CAMK1D: variants seen among roughly 807,000 people sequenced by gnomAD.
CAMK1D encodes calcium/calmodulin-dependent protein kinase type 1D.
In CAMK1D, 9 loss-of-function variants were observed where a neutral mutation model predicts 47.7. The observed-to-expected ratio is 0.19, with a 90% CI of 0.11 to 0.33. CAMK1D has a LOEUF of 0.33. Among genes scored for constraint, CAMK1D ranks in the 10% least tolerant of loss-of-function variants. The pLI, the probability that CAMK1D is intolerant of heterozygous loss-of-function variation, is 1.00. For missense variants in CAMK1D, 291 were observed against 488.7 expected (o/e 0.60, Z 3.81); for synonymous variants, 184 against 184.9 (o/e 0.99, Z 0.04).
chr10:12,825,039 A>G (rs1367905657), intron 9 of CAMK1D, among the ~76,000 whole-genome samples: 1 of 83,736 alleles, frequency 1.2e-5, no homozygotes, highest in Non-Finnish European at 2.6e-5. Context: ...AGAGCTAGCT[A>G]TTTTGCCATG....
In CAMK1D at chr10:12,349,793, G is replaced by T. The variant is rs374252424; in HGVS notation, c.-26G>T. The T allele has an allele frequency of 1.6e-4, 204 of 1,304,334 alleles. No homozygotes were observed. The African/African-American group carries it at 2.8e-3, about 18-fold the overall frequency. The allele number at this position is 1,304,334 out of a possible 1,614,324, so 80.8% of individuals were successfully genotyped here. The stretch of plus-strand genomic sequence containing the variant: ...CCCCCTCCCCAGCGCGCCCCCGGCC[G>T]CTCCTCCGCGCCGCGCTCGTCGGCC... On this transcript the variant is annotated 5_prime_UTR_variant, in exon 1 of 11. Coordinates refer to ENST00000619168, the MANE Select transcript of CAMK1D (RefSeq NM_153498.4).
chr10:12,655,576 T>A (rs942858715), intron 2 of CAMK1D, among the ~76,000 whole-genome samples: 1 of 152,262 alleles, frequency 6.6e-6, no homozygotes, highest in African/African-American at 2.4e-5. Flanking sequence ...AATTGTTCAT[T>A]CATTCATTCA....
intron 3 of CAMK1D, among the ~76,000 whole-genome samples, chr10:12,722,115 A>G (rs896276243): frequency 6.6e-6 from 1 of 151,976 alleles, no homozygotes; most frequent in African/African-American, 2.4e-5. Flanking sequence ...GGATTTCAGT[A>G]TATGCATTTT....
chr10:12,805,797 T>C (rs1564575621), intron 6 of CAMK1D, among the ~76,000 whole-genome samples: 1 of 152,224 alleles, frequency 6.6e-6, no homozygotes, highest in Non-Finnish European at 1.5e-5. Flanking sequence ...CACAGGCATT[T>C]AATGACTCGG....
chr10:12,368,055 G>A (rs1414490418), intron 1 of CAMK1D, among the ~76,000 whole-genome samples: 4 of 152,138 alleles, frequency 2.6e-5, no homozygotes, highest in African/African-American at 4.8e-5. Flanking sequence ...AGCCGGGCGC[G>A]GTGGCGGGCG....
At chr10:12,643,633 C>T (rs936126034) in intron 2 of CAMK1D, among the ~76,000 whole-genome samples, 10 of 152,076 alleles carry the variant, frequency 6.6e-5, no homozygotes. Flanking sequence ...TATGTAATCC[C>T]AGCAATCTGG....
At chr10:12,822,591 C>G (rs1833055062) in intron 8 of CAMK1D, among the ~76,000 whole-genome samples, 1 of 152,196 alleles carries the variant, frequency 6.6e-6, no homozygotes, top group African/African-American at 2.4e-5. Flanking sequence ...TGCTTTGGAG[C>G]CTGGCTCTGC....
intron 1 of CAMK1D, among the ~76,000 whole-genome samples, chr10:12,365,594 A>G (rs922853956): frequency 2.0e-5 from 3 of 151,856 alleles, no homozygotes; most frequent in Admixed American, 6.5e-5. Context: ...GCTTGCCACC[A>G]TGCCCGGCTA....
intron 1 of CAMK1D, among the ~76,000 whole-genome samples, chr10:12,484,506 A>G (rs1335598121): frequency 6.6e-6 from 1 of 152,174 alleles, no homozygotes; most frequent in Non-Finnish European, 1.5e-5. Flanking sequence ...CTCCTTAATT[A>G]TAGGAGAGAG....
chr10:12,673,776 A>AGCAATGAC (rs1840705973), intron 3 of CAMK1D, among the ~76,000 whole-genome samples: 1 of 152,208 alleles, frequency 6.6e-6, no homozygotes, highest in Non-Finnish European at 1.5e-5. Flanking sequence ...AAAAGAAAAA[A>AGCAATGAC]GCAATGACAG....
At position 12,834,005 on chromosome 10, in the gene CAMK1D, G is replaced by A. The variant is rs1833464354; in HGVS notation, c.*5118G>A. 6.6e-6 allele frequency: 1 copy of A among 151,866 alleles called. No homozygotes were observed. Among genetic ancestry groups the A allele is most frequent in the Non-Finnish European group, 1.5e-5 (1 of 67,994 alleles). The allele number at this position is 151,866 out of a possible 1,614,324, so 9.4% of individuals were successfully genotyped here. ...CACCTGGTCCTCGGTTGGGGCTGCA[G>A]GTGTGCCTGACATTTGCAAAAGATA... On this transcript the variant is annotated 3_prime_UTR_variant, in exon 11 of 11. Transcript: ENST00000619168.
At chr10:12,632,895 G>A (rs1475814418) in intron 2 of CAMK1D, among the ~76,000 whole-genome samples, 2 of 152,148 alleles carry the variant, frequency 1.3e-5, no homozygotes, top group Non-Finnish European at 2.9e-5. Context: ...AGGTTTCACC[G>A]TTTTGGCCAG....
intron 8 of CAMK1D, among the ~76,000 whole-genome samples, chr10:12,823,803 G>A (rs1270139789): frequency 1.3e-5 from 2 of 151,964 alleles, no homozygotes; most frequent in Non-Finnish European, 2.9e-5. Flanking sequence ...TGTACCAGGC[G>A]GGGTTGAGTG....
intron 1 of CAMK1D, among the ~76,000 whole-genome samples, chr10:12,375,454 C>T (rs1039675778): frequency 6.6e-6 from 1 of 152,216 alleles, no homozygotes; most frequent in African/African-American, 2.4e-5. Context: ...TGGGGCTTTG[C>T]CCTGCCTCCC....
chr10:12,732,167 G>A (rs992650150), intron 3 of CAMK1D, among the ~76,000 whole-genome samples: 6 of 152,130 alleles, frequency 3.9e-5, no homozygotes, highest in Admixed American at 2.6e-4. Flanking sequence ...CTTGAACCTG[G>A]GAGGCGGAGG....
chr10:12,609,303 G>A (rs1407097992), intron 2 of CAMK1D, among the ~76,000 whole-genome samples: 4 of 152,208 alleles, frequency 2.6e-5, no homozygotes, highest in African/African-American at 9.6e-5. Flanking sequence ...TTGGGCACCA[G>A]GACCAGTTTT....
chr10:12,637,254 G>A lies in CAMK1D; in HGVS notation c.225-29482G>A, dbSNP rs534705703. Among the ~76,000 whole-genome samples the A allele has an allele frequency of 1.1e-4, 16 of 152,294 alleles. No homozygotes were observed. In the South Asian group the frequency reaches 2.5e-3, roughly 24 times the overall value. ...CCCAAAGTGCCGGGATTACAGGTGT[G>A]AGCCACTGCGCCACGTCCATACTTT... is the stretch of plus-strand genomic sequence containing the variant. On this transcript the variant is annotated intron_variant, in intron 2 of 10. Coordinates refer to ENST00000619168, the MANE Select transcript of CAMK1D (RefSeq NM_153498.4).
At chr10:12,485,877 C>G (rs1364541852) in intron 1 of CAMK1D, among the ~76,000 whole-genome samples, 1 of 152,198 alleles carries the variant, frequency 6.6e-6, no homozygotes, top group Non-Finnish European at 1.5e-5. Flanking sequence ...GCGCTGTTCG[C>G]TTAACAGAGC....
intron 1 of CAMK1D, among the ~76,000 whole-genome samples, chr10:12,434,766 T>C (rs1402048625): frequency 6.6e-6 from 1 of 152,196 alleles, no homozygotes; most frequent in Non-Finnish European, 1.5e-5. Flanking sequence ...CAATGCTGAG[T>C]GGTAGCCCGG....
Sources: allele counts gnomAD v4.1 joint callset (sites outside exome capture counted in the v4.1 genomes callset), GRCh38; gene constraint gnomAD v4.1.1; transcripts MANE v1.5; gene names NCBI Gene and HGNC (gene_info 2026-07-23, HGNC 2026-07-21).